CERKL: variants seen among roughly 807,000 people sequenced by gnomAD.
CERKL encodes the protein CERK like autophagy regulator.
Under a neutral mutation model 63.4 loss-of-function variants are expected in CERKL, and 61 were observed. That is an observed-to-expected ratio of 0.96 (90% CI 0.78 to 1.19). The LOEUF is 1.19. Among genes scored for constraint, CERKL ranks in the 50% most tolerant of loss-of-function variants. CERKL has a pLI of 0.00. For synonymous variants in CERKL, 250 were observed against 230.5 expected (o/e 1.08, Z -0.77); for missense variants, 675 against 655.5 (o/e 1.03, Z -0.33).
chr2:181,599,034 C>T (rs958455490), intron 2 of CERKL, among the ~76,000 whole-genome samples: 2 of 152,136 alleles, frequency 1.3e-5, no homozygotes, highest in Non-Finnish European at 2.9e-5. Context: ...GCAATGGATC[C>T]TAACCAAGTT....
intron 3 of CERKL, among the ~76,000 whole-genome samples, chr2:181,571,243 T>A (rs1313931629): frequency 1.3e-5 from 2 of 152,100 alleles, no homozygotes; most frequent in Non-Finnish European, 2.9e-5. Flanking sequence ...ATTTTATAAA[T>A]TTGCCTGTAG....
At chr2:181,582,538 T>TATATATATATATATATATATATA (rs1559089065) in intron 2 of CERKL, among the ~76,000 whole-genome samples, 1 of 141,722 alleles carries the variant, frequency 7.1e-6, no homozygotes, top group African/African-American at 2.7e-5. Context: ...TATATATATG[T>TATATATATATATATATATATATA]TTTTTTTTTT....
At chr2:181,589,224 G>T (rs1456360693) in intron 2 of CERKL, among the ~76,000 whole-genome samples, 3 of 152,180 alleles carry the variant, frequency 2.0e-5, no homozygotes, top group Non-Finnish European at 4.4e-5. Context: ...CAACAACAAG[G>T]CATCTGCCCA....
rs1684203280 is a variant in CERKL at position 181,576,194 on chromosome 2, TAGA to T, written c.482-2313_482-2311del. Among the ~76,000 whole-genome samples the T allele has an allele frequency of 2.6e-5, 4 of 152,290 alleles. No individual in the cohort carries two copies. In the South Asian group the frequency reaches 8.3e-4, roughly 32 times the overall value. ...ATAATATTAAGGTAATTAATAAATATAGAAGAATTATACAGTGAGAAAAATCAC... is the reference window on the plus strand; with the variant it reads ...ATAATATTAAGGTAATTAATAAATATAGAATTATACAGTGAGAAAAATCAC... On this transcript the variant is annotated intron_variant, in intron 2 of 12. Coordinates refer to ENST00000410087, the MANE Select transcript of CERKL (RefSeq NM_201548.5).
intron 1 of CERKL, among the ~76,000 whole-genome samples, chr2:181,636,118 T>C (rs1448709579): frequency 2.0e-5 from 3 of 152,180 alleles, no homozygotes; most frequent in African/African-American, 7.2e-5. Context: ...TTCAAGCTAC[T>C]TCCCTTCTGT....
At chr2:181,605,835 T>A (rs2105896634) in intron 1 of CERKL, among the ~76,000 whole-genome samples, 1 of 152,204 alleles carries the variant, frequency 6.6e-6, no homozygotes, top group East Asian at 1.9e-4. Flanking sequence ...AGAGACCCTC[T>A]CTCAGCTTTT....
At chr2:181,618,042 G>A (rs1686278266) in intron 1 of CERKL, among the ~76,000 whole-genome samples, 1 of 152,140 alleles carries the variant, frequency 6.6e-6, no homozygotes. Flanking sequence ...AATACCACAT[G>A]TTCTCACTTT....
At chr2:181,580,513 C>T (rs759091840) in intron 2 of CERKL, among the ~76,000 whole-genome samples, 2 of 152,214 alleles carry the variant, frequency 1.3e-5, no homozygotes, top group Admixed American at 6.5e-5. Flanking sequence ...CTTCAGCAGT[C>T]TACTTACATT....
intron 1 of CERKL, among the ~76,000 whole-genome samples, chr2:181,639,129 A>C (rs1436826111): frequency 6.6e-6 from 1 of 152,198 alleles, no homozygotes; most frequent in African/African-American, 2.4e-5. Flanking sequence ...GATATGTAAA[A>C]CTATAAAGAT....
intron 2 of CERKL, among the ~76,000 whole-genome samples, chr2:181,589,979 A>T (rs935240377): frequency 6.2e-5 from 9 of 145,158 alleles, no homozygotes; most frequent in African/African-American, 1.8e-4. Context: ...CACCCAGCTA[A>T]TTTTTTTTTT....
intron 2 of CERKL, among the ~76,000 whole-genome samples, chr2:181,581,880 C>T (rs1004104160): frequency 1.3e-5 from 2 of 152,200 alleles, no homozygotes; most frequent in African/African-American, 4.8e-5. Flanking sequence ...TGCACCAGTG[C>T]TATTTTAAGT....
At chr2:181,576,303 G>T (rs1049629201) in intron 2 of CERKL, among the ~76,000 whole-genome samples, 3 of 140,588 alleles carry the variant, frequency 2.1e-5, no homozygotes, top group African/African-American at 8.2e-5. Flanking sequence ...CAGTCAGTTG[G>T]GGACAAAATA....
In CERKL at chr2:181,537,783, T is replaced by G. The variant is rs1263206163; in HGVS notation, c.*401A>C. ...TGATATCTAAAAACAGAATTTGAATTGATATTTCATCTTGACTTTTAAAGC... is the reference window on the plus strand; with the variant it reads ...TGATATCTAAAAACAGAATTTGAATGGATATTTCATCTTGACTTTTAAAGC... On this transcript the variant is annotated 3_prime_UTR_variant, in exon 13 of 13. Coordinates refer to ENST00000410087, the MANE Select transcript of CERKL (RefSeq NM_201548.5). The G allele has an allele frequency of 4.4e-6, 2 of 455,960 alleles. No homozygotes were observed. The highest frequency in any genetic ancestry group is 2.0e-5 in the African/African-American group (1 of 50,016). The allele number at this position is 455,960 out of a possible 1,614,324, so 28.2% of individuals were successfully genotyped here. A position where few individuals can be genotyped will look rare whatever the true frequency, so the allele number is the denominator to read the frequency against.
intron 2 of CERKL, among the ~76,000 whole-genome samples, chr2:181,588,838 G>C (rs1388902194): frequency 6.6e-6 from 1 of 152,200 alleles, no homozygotes; most frequent in Admixed American, 6.6e-5. Context: ...CTGATTGTTA[G>C]TGATGCTGAG....
intron 2 of CERKL, among the ~76,000 whole-genome samples, chr2:181,594,748 T>C (rs1685130028): frequency 6.6e-6 from 1 of 152,158 alleles, no homozygotes; most frequent in African/African-American, 2.4e-5. Flanking sequence ...TTAAAGATGA[T>C]CGACAAGGAG....
intron 1 of CERKL, among the ~76,000 whole-genome samples, chr2:181,610,464 T>G (rs1685916403): frequency 6.6e-6 from 1 of 152,152 alleles, no homozygotes; most frequent in Non-Finnish European, 1.5e-5. Flanking sequence ...GCACTAATAT[T>G]TATAATAACA....
intron 11 of CERKL, among the ~76,000 whole-genome samples, chr2:181,539,775 A>T (rs1274819520): frequency 2.6e-5 from 4 of 152,208 alleles, no homozygotes; most frequent in Non-Finnish European, 5.9e-5. Context: ...TGCCTGCCCC[A>T]TTCCCACTTT....
chr2:181,546,085 A>T (rs1559070489), intron 10 of CERKL, among the ~76,000 whole-genome samples: 1 of 152,166 alleles, frequency 6.6e-6, no homozygotes, highest in Non-Finnish European at 1.5e-5. Context: ...CTCCGGTCAA[A>T]TGAGTCTTGA....
At chr2:181,648,261 G>A (rs1687749996) in intron 1 of CERKL, among the ~76,000 whole-genome samples, 2 of 152,198 alleles carry the variant, frequency 1.3e-5, no homozygotes, top group Non-Finnish European at 2.9e-5. Flanking sequence ...TGAAGACAGA[G>A]AATTCTAAAA....
Sources: allele counts gnomAD v4.1 joint callset (sites outside exome capture counted in the v4.1 genomes callset), GRCh38; gene constraint gnomAD v4.1.1; transcripts MANE v1.5; gene names NCBI Gene and HGNC (gene_info 2026-07-23, HGNC 2026-07-21).